Variants in KLC4 observed in about 807,000 individuals in gnomAD.
The protein encoded by KLC4 is kinesin-like protein 8.
In KLC4, 49 loss-of-function variants were observed where a neutral mutation model predicts 77.2. The ratio of observed to expected loss-of-function variants is 0.63; its 90% CI spans 0.50 to 0.80. The LOEUF is 0.80. Among genes scored for constraint, KLC4 ranks in the 30% least tolerant of loss-of-function variants. The probability of loss-of-function intolerance (pLI) is 0.00; values close to 1 mark genes in which losing one functional copy is unlikely to be tolerated. For synonymous variants in KLC4, 274 were observed against 314.5 expected (o/e 0.87, Z 1.36); for missense variants, 669 against 793.5 (o/e 0.84, Z 1.89).
At chr6:43,067,175 T>C (rs748308228) in intron 6 of KLC4, 92 bp downstream of exon 6, 4 of 1,536,734 alleles carry the variant, frequency 2.6e-6, no homozygotes, top group Middle Eastern at 2.2e-4. Context: ...CTGCCCTCAG[T>C]CCACTCACTA....
At chr6:43,068,180 A>C (rs1385537202) in intron 6 of KLC4, among the ~76,000 whole-genome samples, 1 of 150,754 alleles carries the variant, frequency 6.6e-6, no homozygotes, top group East Asian at 2.0e-4. Flanking sequence ...CAGTATTATA[A>C]GAAATCACAA....
chr6:43,059,731 C>T, intron 1 of KLC4, 46 bp downstream of exon 1: 1 of 1,251,372 alleles, frequency 8.0e-7, no homozygotes, highest in South Asian at 2.4e-5. Flanking sequence ...AGGTCTCTGC[C>T]ATCTCTTATT....
At chr6:43,061,184 C>G in intron 1 of KLC4, 127 bp from the exon 2 acceptor site, 1 of 975,814 alleles carries the variant, frequency 1.0e-6, no homozygotes, top group Non-Finnish European at 1.5e-6. Flanking sequence ...CACTCTCTCT[C>G]TCCAGCTAAG....
At chr6:43,070,926 A>AGGGGGGGCAGGGGGGGGGGGGG in intron 8 of KLC4, 61 bp downstream of exon 8, 1 of 103,834 alleles carries the variant, frequency 9.6e-6, no homozygotes, top group Non-Finnish European at 1.7e-5. Flanking sequence ...AGGTGGGGGG[A>AGGGGGGGCAGGGGGGGGGGGGG]GGGGGGGCAG....
chr6:43,066,502 C>A lies in KLC4; in HGVS notation c.768C>A (p.Leu256=). 1 of 1,613,470 alleles carries A rather than the reference C, an allele frequency of 6.2e-7. No homozygotes were observed. The highest frequency in any genetic ancestry group is 1.1e-5 in the South Asian group (1 of 91,058). ...GRGHPDVATM[L]NILALVYRDQ... ...GCCACCCTGATGTCGCCACCATGCTCAACATCCTTGCTTTGGTGTATCGGT... is the reference window on the plus strand; with the variant it reads ...GCCACCCTGATGTCGCCACCATGCTAAACATCCTTGCTTTGGTGTATCGGT... Residue 256 remains leucine (L), a synonymous_variant, in exon 5 of 16, where the codon CTC becomes CTA. Coordinates refer to ENST00000347162, the MANE Select transcript of KLC4 (RefSeq NM_201521.3).
In KLC4 at chr6:43,071,390, C is replaced by T. The variant is rs192661198; in HGVS notation, c.1255+16C>T. The T allele has an allele frequency of 3.4e-4, 541 of 1,594,256 alleles. 1 individual carries two copies. In the African/African-American group the frequency reaches 3.9e-3, roughly 11 times the overall value. ...TCTGTGGATGGTGAGTGGTGAGGGCCTGGGGAAGGGGCTGTGGGGAAGAAA... is the reference window on the plus strand; with the variant it reads ...TCTGTGGATGGTGAGTGGTGAGGGCTTGGGGAAGGGGCTGTGGGGAAGAAA... On this transcript the variant is annotated intron_variant, in intron 9 of 15. Coordinates refer to ENST00000347162, the MANE Select transcript of KLC4 (RefSeq NM_201521.3).
intron 6 of KLC4, chr6:43,067,344 T>C (rs1765488917): frequency 2.9e-6 from 2 of 683,884 alleles, no homozygotes; most frequent in African/African-American, 3.7e-5. Context: ...CCACATATGA[T>C]TTCTACAAAA....
chr6:43,060,014 G>A lies in KLC4; in HGVS notation c.-26+329G>A. 5.6e-6 allele frequency: 8 copies of A among 1,426,786 alleles called. 1 individual carries two copies. The South Asian group carries it at 7.1e-5, about 13-fold the overall frequency. 88.4% of individuals were successfully genotyped at this position (1,426,786 alleles called of 1,614,324 possible). On this transcript the variant is annotated intron_variant, in intron 1 of 15. Coordinates refer to ENST00000347162, the MANE Select transcript of KLC4 (RefSeq NM_201521.3). The stretch of plus-strand genomic sequence containing the variant: ...CACTCTCCCAACCCTGGGCACCAGG[G>A]CAGGTCGACAGCCCGAGGCACTCCT...
rs759273527 is a variant in KLC4 at position 43,073,934 on chromosome 6, A to G, written c.1778A>G (p.Tyr593Cys). Residue 593 changes from tyrosine (Y) to cysteine (C), a missense_variant, in exon 15 of 16, where the codon TAT (tyrosine) becomes TGT (cysteine). Physicochemically the swap from Tyr to Cys is radical, Grantham distance 194. Transcript: ENST00000347162. ...SNMKRAASLNYLNQPSAAPLQ... is the reference protein window; with the variant it reads ...SNMKRAASLNCLNQPSAAPLQ... ...ATGAAGCGAGCAGCCTCCTTGAACT[A>G]TCTGAACCAACCTAGTGCAGCACCC... The G allele has an allele frequency of 1.9e-6, 3 of 1,613,610 alleles. No homozygotes were observed. The highest frequency in any genetic ancestry group is 2.2e-5 in the South Asian group (2 of 91,044).
intron 6 of KLC4, 77 bp from the exon 7 acceptor site, chr6:43,070,277 T>G: frequency 1.1e-6 from 1 of 948,736 alleles, no homozygotes; most frequent in Admixed American, 1.8e-5. Context: ...TGGGCCCTGC[T>G]GGGAGGTGGG....
At chr6:43,074,339 A>G in intron 15 of KLC4, 1 of 489,664 alleles carries the variant, frequency 2.0e-6, no homozygotes, top group Non-Finnish European at 3.6e-6. Context: ...CATCTGAGAA[A>G]ACACTAGTGA....
intron 15 of KLC4, 55 bp from the exon 16 acceptor site, chr6:43,074,567 C>T (rs1582032069): frequency 8.2e-6 from 12 of 1,460,534 alleles, no homozygotes; most frequent in Non-Finnish European, 9.6e-6. Context: ...CTCTAGGAGC[C>T]AGTCTTTGGG....
intron 1 of KLC4, 167 bp downstream of exon 1, chr6:43,059,852 T>TA (rs1344262153): frequency 1.7e-5 from 20 of 1,187,408 alleles, no homozygotes; most frequent in Non-Finnish European, 2.1e-5. Context: ...TCCAGACAGA[T>TA]AGACAGACGA....
intron 6 of KLC4, among the ~76,000 whole-genome samples, chr6:43,067,800 A>AC (rs1292999384): frequency 3.6e-5 from 5 of 139,338 alleles, no homozygotes; most frequent in African/African-American, 1.2e-4. Flanking sequence ...GTCTCAAAAA[A>AC]AAAAAAAAAA....
In KLC4 at chr6:43,065,696, A is replaced by G. The variant is rs777485770; in HGVS notation, c.566A>G (p.Asn189Ser). ...FPNEEEEDPS[N>S]GLSRGQGATA... ...AATGAGGAGGAAGAGGACCCCAGCA[A>G]TGGCTGTGAGTCTGCCTCTGGAATG... The change falls in exon 4 of 16, where the codon AAT becomes AGT. Residue 189 changes from asparagine (N) to serine (S), a missense_variant. Physicochemically the swap from Asn to Ser is conservative, Grantham distance 46. Coordinates refer to ENST00000347162, the MANE Select transcript of KLC4 (RefSeq NM_201521.3). 19 of 1,611,934 alleles carry G rather than the reference A, an allele frequency of 1.2e-5. No individual in the cohort carries two copies. The highest frequency in any genetic ancestry group is 1.6e-5 in the Non-Finnish European group (19 of 1,178,312).
chr6:43,072,769 C>G, intron 12 of KLC4, 55 bp from the exon 13 acceptor site: 4 of 1,582,320 alleles, frequency 2.5e-6, no homozygotes, highest in Non-Finnish European at 3.4e-6. Flanking sequence ...ATTTGAAAGC[C>G]CCATCCTGAG....
chr6:43,065,603 T>C lies in KLC4; in HGVS notation c.490-17T>C, dbSNP rs201728147. ...TAGGGATATCTTGGCCCTTATATGT[T>C]GCTTCTTCCCTTCCAGGAGGAGAAA... On this transcript the variant is annotated splice_polypyrimidine_tract_variant and intron_variant, in intron 3 of 15. Transcript: ENST00000347162. The C allele has an allele frequency of 2.5e-6, 4 of 1,598,454 alleles. No homozygotes were observed. The highest frequency in any genetic ancestry group is 3.4e-6 in the Non-Finnish European group (4 of 1,165,892).
At chr6:43,071,662 A>G (rs1044406210) in intron 10 of KLC4, 43 bp downstream of exon 10, 1 of 1,586,408 alleles carries the variant, frequency 6.3e-7, no homozygotes. Flanking sequence ...GCTCAAGGCT[A>G]CCGGGGTCTC....
At chr6:43,070,933 G>GGGGC in intron 8 of KLC4, 68 bp downstream of exon 8, 1 of 360,518 alleles carries the variant, frequency 2.8e-6, no homozygotes, top group Non-Finnish European at 5.3e-6. Context: ...GGGAGGGGGG[G>GGGGC]CAGGCGGAGA....
Sources: gnomAD v4.1 joint callset for allele counts (sites outside exome capture counted in the v4.1 genomes callset) on GRCh38, gnomAD v4.1.1 for gene constraint, MANE v1.5 for transcripts, NCBI Gene and HGNC (gene_info 2026-07-23, HGNC 2026-07-21) for gene names.